Variants in PUM1 observed in about 807,000 individuals in gnomAD.
PUM1 encodes pumilio RNA binding family member 1.
Under a neutral mutation model 131.8 loss-of-function variants are expected in PUM1, and 13 were observed. The observed-to-expected ratio is 0.10, with a 90% CI of 0.06 to 0.16. The LOEUF (loss-of-function observed/expected upper bound fraction) is 0.16, where lower values mean the gene tolerates loss of function less well. PUM1 is among the 10% of genes least tolerant of loss of function. PUM1 has a pLI of 1.00. For missense variants in PUM1, 961 were observed against 1,512.4 expected (o/e 0.64, Z 6.05); for synonymous variants, 509 against 556.5 (o/e 0.91, Z 1.20).
At chr1:30,991,262 C>T (rs1049790065) in intron 7 of PUM1, among the ~76,000 whole-genome samples, 4 of 152,006 alleles carry the variant, frequency 2.6e-5, no homozygotes, top group African/African-American at 9.7e-5. Flanking sequence ...AAGAACTGCA[C>T]GGAGAAGAGT....
rs1308820473 is a variant in PUM1, at chr1:30,964,605, G to C, written c.2323+69C>G. 9 of 1,385,046 alleles carry C rather than the reference G, an allele frequency of 6.5e-6. No homozygotes were observed. The Admixed American group carries it at 1.6e-4, about 24-fold the overall frequency. 85.8% of individuals were successfully genotyped at this position (1,385,046 alleles called of 1,614,324 possible). On this transcript the variant is annotated intron_variant, in intron 14 of 21. Coordinates refer to ENST00000426105, the MANE Select transcript of PUM1 (RefSeq NM_001020658.2). ...AGGGACTGTCCTTTGCTTATGCAAA[G>C]TTCTTGTAATGTCATCGGTGGCAAG...
intron 9 of PUM1, among the ~76,000 whole-genome samples, chr1:30,975,647 G>C (rs1466179391): frequency 1.3e-5 from 2 of 151,002 alleles, no homozygotes; most frequent in Middle Eastern, 3.4e-3. Context: ...GAGCCACCAG[G>C]CCTGGCCCCT....
chr1:31,057,298 G>A (rs1399581380), intron 2 of PUM1, among the ~76,000 whole-genome samples: 3 of 151,056 alleles, frequency 2.0e-5, no homozygotes, highest in Non-Finnish European at 4.4e-5. Context: ...AGCTACTCAG[G>A]AGACTGAGGT....
intron 3 of PUM1, among the ~76,000 whole-genome samples, chr1:31,024,751 A>G (rs1031467319): frequency 6.6e-6 from 1 of 152,228 alleles, no homozygotes; most frequent in African/African-American, 2.4e-5. Flanking sequence ...GTACTTTCCA[A>G]CTACAGCTTC....
intron 21 of PUM1, 123 bp downstream of exon 21, chr1:30,936,520 G>A: frequency 2.1e-6 from 2 of 961,916 alleles, no homozygotes; most frequent in Non-Finnish European, 3.1e-6. Flanking sequence ...ACAGAACACA[G>A]CATGGGACAG....
chr1:30,985,668 A>G (rs907279634), intron 7 of PUM1, among the ~76,000 whole-genome samples: 2 of 151,532 alleles, frequency 1.3e-5, no homozygotes, highest in African/African-American at 4.9e-5. Flanking sequence ...AAAAAAAAAA[A>G]AGAGTCAAAA....
rs192939022 is a variant in PUM1, at chr1:30,947,132, C to T, written c.2857-1649G>A. ...ACCAAGGAAGAGGCAAATTAAAAGA[C>T]TTACAAAACTATAGACCTAGATTCC... On this transcript the variant is annotated intron_variant, in intron 17 of 21. Transcript: ENST00000426105. Among the ~76,000 whole-genome samples the T allele has an allele frequency of 3.4e-3, 517 of 152,262 alleles. 3 individuals carry two copies. The highest frequency in any genetic ancestry group is 5.7e-3 in the Non-Finnish European group (386 of 68,016).
chr1:30,950,048 T>C, intron 17 of PUM1, 79 bp downstream of exon 17: 4 of 1,462,960 alleles, frequency 2.7e-6, no homozygotes, highest in East Asian at 4.7e-5. Context: ...AAACTGAAAA[T>C]TGACAGAATT....
chr1:30,938,818 T>C (rs1197625199), intron 20 of PUM1, among the ~76,000 whole-genome samples: 1 of 152,064 alleles, frequency 6.6e-6, no homozygotes, highest in Middle Eastern at 3.4e-3. Flanking sequence ...TAAGCCAAGA[T>C]TGCGCCACCG....
intron 4 of PUM1, among the ~76,000 whole-genome samples, chr1:31,006,292 C>G (rs1642399722): frequency 6.6e-6 from 1 of 152,100 alleles, no homozygotes; most frequent in Non-Finnish European, 1.5e-5. Context: ...AAAATTTTTA[C>G]CCCTTTATAA....
rs1639023803 is a variant in PUM1, at chr1:30,933,097, G to A, written c.*114C>T. 3.0e-6 allele frequency: 4 copies of A among 1,330,862 alleles called. No individual in the cohort carries two copies. Among genetic ancestry groups the A allele is most frequent in the Non-Finnish European group, 4.1e-6 (4 of 987,104 alleles). The allele number at this position is 1,330,862 out of a possible 1,614,324, so 82.4% of individuals were successfully genotyped here. ...TTTTTTGGAGGAGGGAGTAATCCTGGAGCAACCACTTGCCCGTCTCAGACT... is the reference window on the plus strand; with the variant it reads ...TTTTTTGGAGGAGGGAGTAATCCTGAAGCAACCACTTGCCCGTCTCAGACT... On this transcript the variant is annotated 3_prime_UTR_variant, in exon 22 of 22. Transcript: ENST00000426105.
intron 7 of PUM1, among the ~76,000 whole-genome samples, chr1:30,985,242 G>A (rs773738752): frequency 4.1e-4 from 62 of 152,246 alleles, no homozygotes; most frequent in Non-Finnish European, 6.9e-4. Context: ...GATGAATGGG[G>A]AGAGCACCCC....
At chr1:30,965,381 G>C (rs935429884) in intron 13 of PUM1, among the ~76,000 whole-genome samples, 2 of 152,158 alleles carry the variant, frequency 1.3e-5, no homozygotes, top group African/African-American at 4.8e-5. Context: ...TTCCAATTAA[G>C]ATACTTTCTT....
chr1:30,953,533 T>G (rs545006083), intron 15 of PUM1, among the ~76,000 whole-genome samples, 181 bp downstream of exon 15: 1 of 152,224 alleles, frequency 6.6e-6, no homozygotes, highest in Non-Finnish European at 1.5e-5. Flanking sequence ...CCGAAGTGTA[T>G]GTATGTCTTT....
In PUM1 at chr1:30,950,107, A is replaced by G. The variant is rs376852592; in HGVS notation, c.2856+20T>C. 5.0e-6 allele frequency: 8 copies of G among 1,606,406 alleles called. No homozygotes were observed. Among genetic ancestry groups the G allele is most frequent in the Middle Eastern group, 1.7e-4 (1 of 6,046 alleles). On this transcript the variant is annotated intron_variant, in intron 17 of 21. Coordinates refer to ENST00000426105, the MANE Select transcript of PUM1 (RefSeq NM_001020658.2). ...GGAGAAACATCAAACACCAAGAGAA[A>G]AGTTAAAGGGGAAACTTACAATTAC...
intron 21 of PUM1, among the ~76,000 whole-genome samples, chr1:30,935,439 T>A (rs989683542): frequency 1.3e-5 from 2 of 152,222 alleles, no homozygotes; most frequent in Non-Finnish European, 2.9e-5. Flanking sequence ...CACAGCACTA[T>A]CACGTTTACC....
At chr1:30,971,555 G>A (rs1351675323) in intron 10 of PUM1, among the ~76,000 whole-genome samples, 1 of 152,146 alleles carries the variant, frequency 6.6e-6, no homozygotes, top group Non-Finnish European at 1.5e-5. Context: ...AGAAACACAA[G>A]ATCTCAGATT....
At chr1:31,041,871 A>G (rs572592731) in intron 2 of PUM1, among the ~76,000 whole-genome samples, 1 of 151,568 alleles carries the variant, frequency 6.6e-6, no homozygotes, top group Admixed American at 6.6e-5. Flanking sequence ...TACTTTTTTT[A>G]AAAAAAAATG....
chr1:31,027,564 A>G (rs1322937525), intron 3 of PUM1, among the ~76,000 whole-genome samples: 1 of 152,210 alleles, frequency 6.6e-6, no homozygotes, highest in Non-Finnish European at 1.5e-5. Context: ...AAGCTCTAGG[A>G]GGAAAACAGA....
Sources: gnomAD v4.1 joint callset for allele counts (sites outside exome capture counted in the v4.1 genomes callset) on GRCh38, gnomAD v4.1.1 for gene constraint, MANE v1.5 for transcripts, NCBI Gene and HGNC (gene_info 2026-07-23, HGNC 2026-07-21) for gene names.